Variants in OXR1 observed in about 807,000 individuals in gnomAD.
OXR1 encodes the protein oxidation resistance protein 1.
A neutral mutation model predicts 104.6 loss-of-function variants in OXR1; 41 were observed. The observed-to-expected ratio is 0.39, with a 90% confidence interval of 0.31 to 0.51. The LOEUF is 0.51. Ranked by LOEUF, OXR1 falls within the 20% of genes least tolerant of loss-of-function variation. The pLI is 0.77. For synonymous variants in OXR1, 348 were observed against 348.4 expected, an observed-to-expected ratio of 1.00 and a Z score of 0.01; for missense variants, 955 against 1,031.9, an observed-to-expected ratio of 0.93 and a Z score of 1.02.
At chr8:106,545,020 T>C (rs1262861781) in intron 3 of OXR1, among the ~76,000 whole-genome samples, 1 of 152,178 alleles carries the variant, frequency 6.6e-6, no homozygotes, top group African/African-American at 2.4e-5. Flanking sequence ...TTTTGGGCCA[T>C]AGAATTATTT....
chr8:106,627,475 G>A (rs534157954), intron 3 of OXR1, among the ~76,000 whole-genome samples: 3 of 152,204 alleles, frequency 2.0e-5, no homozygotes, highest in African/African-American at 7.2e-5. Context: ...AAGTGGTAAC[G>A]TGAGATATTC....
intron 2 of OXR1, among the ~76,000 whole-genome samples, chr8:106,458,008 C>G (rs1237619339): frequency 6.6e-6 from 1 of 151,926 alleles, no homozygotes; most frequent in Non-Finnish European, 1.5e-5. Context: ...AAAATAAGAA[C>G]AGAAAAATTT....
chr8:106,496,387 A>T (rs1057372705), intron 2 of OXR1, among the ~76,000 whole-genome samples: 1 of 152,162 alleles, frequency 6.6e-6, no homozygotes, highest in South Asian at 2.1e-4. Flanking sequence ...ACAAACAATT[A>T]AAAAAAACAG....
At chr8:106,375,569 A>T (rs1431245241) in intron 2 of OXR1, among the ~76,000 whole-genome samples, 1 of 152,220 alleles carries the variant, frequency 6.6e-6, no homozygotes, top group African/African-American at 2.4e-5. Context: ...ATGAAACCTC[A>T]GCTTCCCAGT....
At chr8:106,280,901 C>A (rs72678524) in intron 1 of OXR1, among the ~76,000 whole-genome samples, 1,817 of 152,212 alleles carry the variant, frequency 0.012, 11 homozygotes, top group Non-Finnish European at 0.017. Context: ...TCCATGAGTT[C>A]TTTCCCAGGG....
At chr8:106,644,153 C>G (rs770927169) in intron 3 of OXR1, among the ~76,000 whole-genome samples, 7 of 152,180 alleles carry the variant, frequency 4.6e-5, no homozygotes, top group Non-Finnish European at 8.8e-5. Context: ...GCTTCAGCAA[C>G]TCCGCATTCT....
At chr8:106,672,321 T>C (rs1361254813) in intron 3 of OXR1, among the ~76,000 whole-genome samples, 3 of 115,534 alleles carry the variant, frequency 2.6e-5, no homozygotes, top group Non-Finnish European at 5.2e-5. Flanking sequence ...CTACTAAAAA[T>C]GAAAAAAAAA....
chr8:106,606,288 C>CTTTATTTATTTATTTATTTA (rs140600718), intron 3 of OXR1, among the ~76,000 whole-genome samples: 2,866 of 145,964 alleles, frequency 0.02, 50 homozygotes, highest in Admixed American at 0.037. Flanking sequence ...CTATGATACT[C>CTTTATTTATTTATTTATTTA]TTTATTTATT....
intron 2 of OXR1, among the ~76,000 whole-genome samples, chr8:106,366,897 C>T (rs886246918): frequency 2.6e-5 from 4 of 151,468 alleles, no homozygotes; most frequent in Non-Finnish European, 4.4e-5. Context: ...AGAATAGATA[C>T]ATTCTCCATC....
intron 1 of OXR1, among the ~76,000 whole-genome samples, chr8:106,295,796 TAGAAA>T (rs1466796186): frequency 2.0e-5 from 3 of 152,188 alleles, no homozygotes; most frequent in Admixed American, 1.3e-4. Context: ...TGTAGGGGAA[TAGAAA>T]GATGAATTAC....
intron 1 of OXR1, among the ~76,000 whole-genome samples, chr8:106,273,418 A>G (rs1448767371): frequency 6.6e-6 from 1 of 152,038 alleles, no homozygotes; most frequent in Non-Finnish European, 1.5e-5. Context: ...GGGCAGTTTT[A>G]CCCCCTAGGG....
At chr8:106,536,726 G>A (rs954166899) in intron 3 of OXR1, among the ~76,000 whole-genome samples, 1 of 152,078 alleles carries the variant, frequency 6.6e-6, no homozygotes, top group African/African-American at 2.4e-5. Flanking sequence ...CAAATAATCT[G>A]CAAACATGAT....
intron 11 of OXR1, among the ~76,000 whole-genome samples, chr8:106,719,777 T>C (rs527867578): frequency 1.3e-5 from 2 of 152,076 alleles, no homozygotes; most frequent in Non-Finnish European, 2.9e-5. Context: ...ATCATCTTTA[T>C]TTTACAGATA....
In OXR1 at chr8:106,339,534, A is replaced by G. The variant is rs1396019694; in HGVS notation, c.-138-19942A>G. Among the ~76,000 whole-genome samples the G allele has an allele frequency of 3.3e-4, 20 of 61,250 alleles. 2 individuals are homozygous for G. The highest frequency in any genetic ancestry group is 5.3e-4 in the African/African-American group (5 of 9,414). 40.2% of individuals were successfully genotyped at this position (61,250 alleles called of 152,430 possible). A position where few individuals can be genotyped will look rare whatever the true frequency, so the allele number is the denominator to read the frequency against. ...AAAAAAAAAAAATATATATATATAT[A>G]TATATATATATATATATATATAAAA... On this transcript the variant is annotated intron_variant, in intron 1 of 16. Transcript: ENST00000517566.
In OXR1 at chr8:106,745,869, C is replaced by T. The variant is rs369781815; in HGVS notation, c.2486+7C>T. 2.0e-6 allele frequency: 3 copies of T among 1,502,682 alleles called. No homozygotes were observed. The African/African-American group carries it at 4.2e-5, about 21-fold the overall frequency. 93.1% of individuals were successfully genotyped at this position (1,502,682 alleles called of 1,614,324 possible). A position where few individuals can be genotyped will look rare whatever the true frequency, so the allele number is the denominator to read the frequency against. ...TAGCTTTCGGTGGTGGAGGGTAAGT[C>T]TCTTGAACATTTCACTATGAGATTT... is the stretch of plus-strand genomic sequence containing the variant. On this transcript the variant is annotated splice_region_variant and intron_variant, in intron 16 of 16. Coordinates refer to ENST00000517566, the MANE Select transcript of OXR1 (RefSeq NM_001198533.2).
At chr8:106,420,628 T>A (rs1818866413) in intron 2 of OXR1, among the ~76,000 whole-genome samples, 1 of 151,872 alleles carries the variant, frequency 6.6e-6, no homozygotes, top group Admixed American at 6.6e-5. Context: ...CTTAAAGCAT[T>A]AAGAAGATAT....
intron 3 of OXR1, among the ~76,000 whole-genome samples, chr8:106,541,790 G>C (rs1814970326): frequency 6.6e-6 from 1 of 152,102 alleles, no homozygotes; most frequent in Admixed American, 6.6e-5. Flanking sequence ...AGTTCCCAAG[G>C]GGAATCTAGG....
At chr8:106,577,623 G>C (rs1817950387) in intron 3 of OXR1, among the ~76,000 whole-genome samples, 1 of 151,880 alleles carries the variant, frequency 6.6e-6, no homozygotes, top group East Asian at 1.9e-4. Context: ...CTCCTGACCT[G>C]AGGTGATCCA....
intron 2 of OXR1, among the ~76,000 whole-genome samples, chr8:106,376,811 C>T (rs1022292051): frequency 6.6e-6 from 1 of 152,190 alleles, no homozygotes; most frequent in African/African-American, 2.4e-5. Flanking sequence ...ATCCCGTCAA[C>T]AGAAATGCTA....
Sources: allele counts gnomAD v4.1 joint callset (sites outside exome capture counted in the v4.1 genomes callset), GRCh38; gene constraint gnomAD v4.1.1; transcripts MANE v1.5; gene names NCBI Gene and HGNC (gene_info 2026-07-23, HGNC 2026-07-21).